The following ARHGAP33 variants were observed in gnomAD, a reference collection of about 807,000 sequenced individuals.
ARHGAP33 encodes the protein rho GTPase-activating protein 33.
Under a neutral mutation model 126.2 loss-of-function variants are expected in ARHGAP33, and 57 were observed. The observed-to-expected ratio is 0.45, with a 90% CI of 0.36 to 0.56. The LOEUF is 0.56. Among genes scored for constraint, ARHGAP33 ranks in the 20% least tolerant of loss-of-function variants. ARHGAP33 has a pLI of 0.00. For missense variants in ARHGAP33, 1,500 were observed against 1,748.3 expected (o/e 0.86, Z 2.53); for synonymous variants, 711 against 755.0 (o/e 0.94, Z 0.95).
At position 35,784,806 on chromosome 19, in the gene ARHGAP33, T is replaced by G. The variant is rs1030360546; in HGVS notation, c.1568-147T>G. 6 of 1,182,128 alleles carry G rather than the reference T, an allele frequency of 5.1e-6. No homozygotes were observed. In the African/African-American group the frequency reaches 1.0e-4, roughly 20 times the overall value. The allele number at this position is 1,182,128 out of a possible 1,614,324, so 73.2% of individuals were successfully genotyped here. On this transcript the variant is annotated intron_variant, in intron 16 of 20. Coordinates refer to ENST00000007510, the MANE Select transcript of ARHGAP33 (RefSeq NM_001366178.1). The stretch of plus-strand genomic sequence containing the variant: ...TCCTCCCACCTGCCTGCTGCCCGCC[T>G]GCTCCCGCCTGATCCGCCCCGGCCC...
At chr19:35,777,503 C>A in intron 1 of ARHGAP33, 142 bp from the exon 2 acceptor site, 1 of 688,558 alleles carries the variant, frequency 1.5e-6, no homozygotes, top group Non-Finnish European at 2.6e-6. Context: ...CAGCCCTCAC[C>A]TCCCCCGACC....
In ARHGAP33 at chr19:35,786,530, C is replaced by T. The variant is rs1972118332; in HGVS notation, c.2060C>T (p.Ser687Phe). 1.3e-6 allele frequency: 2 copies of T among 1,536,100 alleles called. No individual in the cohort carries two copies. The highest frequency in any genetic ancestry group is 1.7e-6 in the Non-Finnish European group (2 of 1,146,834). Residue 687 changes from serine (S) to phenylalanine (F), a missense_variant, in exon 20 of 21, where the codon TCC (serine) becomes TTC (phenylalanine). Ser to Phe is a radical substitution (Grantham distance 155). Around this residue, in one of 6 missense-constraint regions of ARHGAP33, gnomAD observed 300 missense variants for 291.1 expected, o/e 1.03. Coordinates refer to ENST00000007510, the MANE Select transcript of ARHGAP33 (RefSeq NM_001366178.1). The surrounding 1 kb of genome is among the most constrained non-coding windows in gnomAD (Gnocchi z 7.0). ...SLSSSSSSES[S>F]SSESSSSSSE... is the part of the protein sequence containing the mutation. ...TCCTCGTCCTCCTCCTCCGAGTCCTCCTCCTCTGAGTCCTCCTCTTCCTCC... is the reference window on the plus strand; with the variant it reads ...TCCTCGTCCTCCTCCTCCGAGTCCTTCTCCTCTGAGTCCTCCTCTTCCTCC...
chr19:35,787,120 C>T (rs749920823), intron 20 of ARHGAP33, 48 bp downstream of exon 20: 1 of 1,602,600 alleles, frequency 6.2e-7, no homozygotes, highest in Admixed American at 1.8e-5. Context: ...CTGTCACTGA[C>T]TCTGAGGGCC....
At position 35,788,693 on chromosome 19, in the gene ARHGAP33, C is replaced by A; in HGVS notation, c.*264C>A. 2.3e-6 allele frequency: 1 copy of A among 436,492 alleles called. No homozygotes were observed. The allele number at this position is 436,492 out of a possible 1,614,324, so 27.0% of individuals were successfully genotyped here. On this transcript the variant is annotated 3_prime_UTR_variant, in exon 21 of 21. Coordinates refer to ENST00000007510, the MANE Select transcript of ARHGAP33 (RefSeq NM_001366178.1). ...GAGGGGCTAGGCTGACCCCATCCTCCTCTCCCTCCAGGAGCCCCCAGCATG... is the reference window on the plus strand; with the variant it reads ...GAGGGGCTAGGCTGACCCCATCCTCATCTCCCTCCAGGAGCCCCCAGCATG...
At chr19:35,776,096 AC>A (rs1193259907) in intron 1 of ARHGAP33, among the ~76,000 whole-genome samples, 10 of 24,644 alleles carry the variant, frequency 4.1e-4, no homozygotes, top group Non-Finnish European at 7.1e-4. Context: ...CCCGAGCCCC[AC>A]CCCCCACCCG....
Position 35,787,847 on chromosome 19 carries a change from G to C in ARHGAP33, c.3282G>C (p.Gly1094=). The C allele has an allele frequency of 6.2e-7, 1 of 1,608,632 alleles. No homozygotes were observed. Among genetic ancestry groups the C allele is most frequent in the Non-Finnish European group, 8.5e-7 (1 of 1,177,714 alleles). The part of the protein sequence containing the change: ...NLYYEIGASE[G]SPYSGPTRSW... ...ACTATGAGATCGGGGCAAGTGAGGG[G>C]TCCCCCTATTCTGGCCCCACCCGCT... The change falls in exon 21 of 21, where the codon GGG becomes GGC. Residue 1094 remains glycine (G), a synonymous_variant. Coordinates refer to ENST00000007510, the MANE Select transcript of ARHGAP33 (RefSeq NM_001366178.1).
intron 4 of ARHGAP33, 40 bp from the exon 5 acceptor site, chr19:35,778,424 C>T: frequency 6.2e-7 from 1 of 1,614,154 alleles, no homozygotes; most frequent in Non-Finnish European, 8.5e-7. Context: ...AGCTCGGTGT[C>T]ATGGGGCCCC....
rs1259784356 is a variant in ARHGAP33, at chr19:35,780,912, C to T, written c.830-8C>T. ...CCTGCCTTTGCCCTTTGCCCCTTGC[C>T]CCCACAGCTGTGCCACGGCCTCGTG... On this transcript the variant is annotated splice_polypyrimidine_tract_variant and splice_region_variant and intron_variant, in intron 10 of 20. Coordinates refer to ENST00000007510, the MANE Select transcript of ARHGAP33 (RefSeq NM_001366178.1). 2 of 1,610,206 alleles carry T rather than the reference C, an allele frequency of 1.2e-6. No homozygotes were observed. The highest frequency in any genetic ancestry group is 3.3e-5 in the Admixed American group (2 of 60,020).
Position 35,786,521 on chromosome 19 carries a change from C to T in ARHGAP33, c.2051C>T (p.Ser684Phe), listed in dbSNP as rs753245302. Residue 684 changes from serine to phenylalanine, a missense_variant, in exon 20 of 21, where the codon TCC (serine) becomes TTC (phenylalanine). By Grantham distance (155) the Ser-to-Phe change is radical. Around this residue, in one of 6 missense-constraint regions of ARHGAP33, gnomAD observed 300 missense variants for 291.1 expected, o/e 1.03. Transcript: ENST00000007510. This position sits in a 1 kb window ranked among gnomAD's most constrained non-coding sequence, Gnocchi z 7.0. ...SCESLSSSSS[S>F]ESSSSESSSS... ...GAGAGCCTGTCCTCGTCCTCCTCCT[C>T]CGAGTCCTCCTCCTCTGAGTCCTCC... 6.5e-7 allele frequency: 1 copy of T among 1,535,840 alleles called. No homozygotes were observed. The highest frequency in any genetic ancestry group is 1.4e-5 in the African/African-American group (1 of 73,140).
Position 35,775,637 on chromosome 19 carries a change from G to T in ARHGAP33, c.-22G>T. 8 of 1,538,490 alleles carry T rather than the reference G, an allele frequency of 5.2e-6. No individual in the cohort carries two copies. The highest frequency in any genetic ancestry group is 2.0e-4 in the Middle Eastern group (1 of 5,096). ...CGAGCGAGGGGTCGAGCGCGGCCGGGGCCTGAGGAGGCTACGCGACCATGG... is the reference window on the plus strand; with the variant it reads ...CGAGCGAGGGGTCGAGCGCGGCCGGTGCCTGAGGAGGCTACGCGACCATGG... On this transcript the variant is annotated 5_prime_UTR_variant, in exon 1 of 21. Transcript: ENST00000007510.
chr19:35,776,604 TGC>T (rs1971472050), intron 1 of ARHGAP33, among the ~76,000 whole-genome samples: 1 of 152,228 alleles, frequency 6.6e-6, no homozygotes, highest in South Asian at 2.1e-4. Context: ...CAGTCCCTGC[TGC>T]GCGCGACTGG....
chr19:35,778,592 GGCT>G lies in ARHGAP33; in HGVS notation c.402_404del (p.Ala135del). ...TTCCCCCGCCCCCCGAGGGTGCCAG[GGCT>G]GCCCAGGTAACCTGCTTGTTGTCTC... is the stretch of plus-strand genomic sequence containing the variant. On this transcript the variant is annotated inframe_deletion, in exon 5 of 21. Coordinates refer to ENST00000007510, the MANE Select transcript of ARHGAP33 (RefSeq NM_001366178.1). 6.2e-7 allele frequency: 1 copy of G among 1,613,362 alleles called. No homozygotes were observed. The highest frequency in any genetic ancestry group is 8.5e-7 in the Non-Finnish European group (1 of 1,179,740).
rs140331892 is a variant in ARHGAP33, at chr19:35,788,043, C to T, written c.3478C>T (p.Arg1160Trp). Residue 1160 changes from arginine to tryptophan, a missense_variant, in exon 21 of 21, where the codon CGG (arginine) becomes TGG (tryptophan). Transcript: ENST00000007510. Reference protein sequence around the residue: ...LGYSAPQHPARRPTPPEPLYV... With the variant: ...LGYSAPQHPAWRPTPPEPLYV... ...CTACTCAGCCCCCCAGCACCCTGCT[C>T]GGCGCCCTACACCGCCTGAGCCCCT... 2.2e-3 allele frequency: 3,552 copies of T among 1,609,916 alleles called. 13 individuals are homozygous for T. Among genetic ancestry groups the T allele is most frequent in the Non-Finnish European group, 2.1e-3 (2,443 of 1,178,576 alleles).
intron 6 of ARHGAP33, among the ~76,000 whole-genome samples, chr19:35,779,587 G>T (rs768758542): frequency 1.6e-4 from 24 of 152,016 alleles, no homozygotes; most frequent in Non-Finnish European, 2.9e-4. Context: ...GTGCCACCAC[G>T]CCCGGCTAAT....
intron 17 of ARHGAP33, 33 bp downstream of exon 17, chr19:35,785,139 G>A (rs1251986391): frequency 6.3e-7 from 1 of 1,587,368 alleles, no homozygotes. Context: ...CGAGGGGCAG[G>A]TGGAGGCCTG....
In ARHGAP33 at chr19:35,785,169, G is replaced by GT. The variant is rs760275149; in HGVS notation, c.1722-17dup. 8.7e-5 allele frequency: 137 copies of GT among 1,577,492 alleles called. No homozygotes were observed. The highest frequency in any genetic ancestry group is 1.1e-4 in the Non-Finnish European group (132 of 1,157,278). On this transcript the variant is annotated intron_variant, in intron 17 of 20. Coordinates refer to ENST00000007510, the MANE Select transcript of ARHGAP33 (RefSeq NM_001366178.1). The stretch of plus-strand genomic sequence containing the variant: ...GGCCTGGTTCCTCAGACGGCCTCCT[G>GT]TTTCTCCCCCAAACCGCAGGAGGAA...
At chr19:35,777,438 C>T in intron 1 of ARHGAP33, 2 of 601,290 alleles carry the variant, frequency 3.3e-6, no homozygotes, top group Non-Finnish European at 5.9e-6. Context: ...CTGGCCCCTG[C>T]TTCTCCAGTC....
rs774573643 is a variant in ARHGAP33 at position 35,785,089 on chromosome 19, G to C, written c.1704G>C (p.Pro568=). ...TPTEPTTPKA[P]ASPAERRKGE... ...CGGAGCCCACAACTCCCAAGGCCCC[G>C]GCCTCACCTGCGGAAAGGTGAGTGG... Residue 568 remains proline (P), a synonymous_variant, in exon 17 of 21, where the codon CCG becomes CCC. Coordinates refer to ENST00000007510, the MANE Select transcript of ARHGAP33 (RefSeq NM_001366178.1). 2 of 1,581,630 alleles carry C rather than the reference G, an allele frequency of 1.3e-6. No individual in the cohort carries two copies.
chr19:35,781,375 G>T (rs1287823956), intron 12 of ARHGAP33, 123 bp downstream of exon 12: 11 of 939,090 alleles, frequency 1.2e-5, no homozygotes, highest in Non-Finnish European at 1.7e-5. Flanking sequence ...CAAGGCTGGG[G>T]TCAGGGACAG....
Sources: gnomAD v4.1 joint callset for allele counts (sites outside exome capture counted in the v4.1 genomes callset) on GRCh38, gnomAD v4.1.1 for gene constraint, gnomAD v4.1.1 regional missense constraint, Gnocchi (gnomAD v3.1) non-coding constraint, MANE v1.5 for transcripts, NCBI Gene and HGNC (gene_info 2026-07-23, HGNC 2026-07-21) for gene names.